The following PRMT3 variants were observed in gnomAD, a reference collection of about 807,000 sequenced individuals.
PRMT3 encodes the protein protein arginine N-methyltransferase 3.
PRMT3 carries 62 observed loss-of-function variants against 71.9 expected under a neutral mutation model. That is an observed-to-expected ratio of 0.86 (90% CI 0.70 to 1.07). The LOEUF is 1.07. Among genes scored for constraint, PRMT3 ranks in the 50% least tolerant of loss-of-function variants. PRMT3 has a pLI of 0.00. For synonymous variants in PRMT3, 213 were observed against 220.4 expected, an observed-to-expected ratio of 0.97 and a Z score of 0.30; for missense variants, 663 against 643.0, an observed-to-expected ratio of 1.03 and a Z score of -0.34.
chr11:20,473,376 T>G (rs1850699663), intron 13 of PRMT3, among the ~76,000 whole-genome samples: 1 of 152,134 alleles, frequency 6.6e-6, no homozygotes, highest in Non-Finnish European at 1.5e-5. Flanking sequence ...TAGTGCTATA[T>G]ATTTCCCTCT....
intron 13 of PRMT3, among the ~76,000 whole-genome samples, chr11:20,489,255 T>G (rs1187820199): frequency 6.6e-6 from 1 of 152,228 alleles, no homozygotes; most frequent in Non-Finnish European, 1.5e-5. Flanking sequence ...GAAATTTTAT[T>G]TAACTGTGAC....
At chr11:20,398,794 T>G (rs1848887968) in intron 7 of PRMT3, among the ~76,000 whole-genome samples, 1 of 152,224 alleles carries the variant, frequency 6.6e-6, no homozygotes, top group Admixed American at 6.5e-5. Flanking sequence ...TAGGCTATCT[T>G]ACAGAGCCTA....
chr11:20,403,357 A>C (rs1273699269), intron 8 of PRMT3, among the ~76,000 whole-genome samples: 1 of 152,168 alleles, frequency 6.6e-6, no homozygotes, highest in Non-Finnish European at 1.5e-5. Flanking sequence ...TTATTACTCT[A>C]GTTTGTGTTA....
chr11:20,391,055 A>T (rs1848702765), intron 3 of PRMT3, among the ~76,000 whole-genome samples: 1 of 152,096 alleles, frequency 6.6e-6, no homozygotes, highest in Non-Finnish European at 1.5e-5. Context: ...GTCTCAAAAA[A>T]AAAAAAATAA....
chr11:20,389,668 A>G lies in PRMT3; in HGVS notation c.165-76A>G. ...CCAGCAGAGTTAAAAAAAAAAAAAA[A>G]GTGTATATGTAACATGAAATCAGTA... On this transcript the variant is annotated intron_variant, in intron 2 of 15. Coordinates refer to ENST00000331079, the MANE Select transcript of PRMT3 (RefSeq NM_005788.4). The G allele has an allele frequency of 1.1e-5, 9 of 846,290 alleles. 1 individual carries two copies. Among genetic ancestry groups the G allele is most frequent in the Non-Finnish European group, 1.6e-5 (9 of 558,600 alleles). The allele number at this position is 846,290 out of a possible 1,614,324, so 52.4% of individuals were successfully genotyped here. A position where few individuals can be genotyped will look rare whatever the true frequency, so the allele number is the denominator to read the frequency against.
intron 7 of PRMT3, among the ~76,000 whole-genome samples, chr11:20,398,554 G>A (rs529414442): frequency 6.6e-5 from 10 of 152,286 alleles, no homozygotes; most frequent in East Asian, 3.9e-4. Flanking sequence ...TCAGGTTCAC[G>A]CCATTCTCTT....
chr11:20,395,718 C>T (rs1436730803), intron 5 of PRMT3, 85 bp from the exon 6 acceptor site: 1 of 1,315,556 alleles, frequency 7.6e-7, no homozygotes, highest in Non-Finnish European at 1.0e-6. Flanking sequence ...ATAGTAGAAA[C>T]TTAGGGCGTA....
chr11:20,421,260 A>C (rs1849419083), intron 9 of PRMT3, among the ~76,000 whole-genome samples: 1 of 150,984 alleles, frequency 6.6e-6, no homozygotes. Flanking sequence ...CTGGTCTTGA[A>C]CTCTTGGGCT....
intron 13 of PRMT3, among the ~76,000 whole-genome samples, chr11:20,468,368 G>T (rs967875877): frequency 2.0e-5 from 3 of 149,118 alleles, no homozygotes; most frequent in Non-Finnish European, 4.5e-5. Context: ...TGTTTTGTTT[G>T]TTTGTTTGTT....
rs551691220 is a variant in PRMT3 at position 20,508,455 on chromosome 11, G to A, written c.*42G>A. 6 of 1,378,264 alleles carry A rather than the reference G, an allele frequency of 4.4e-6. No homozygotes were observed. In the Admixed American group the frequency reaches 5.0e-5, roughly 12 times the overall value. The allele number at this position is 1,378,264 out of a possible 1,614,324, so 85.4% of individuals were successfully genotyped here. A position where few individuals can be genotyped will look rare whatever the true frequency, so the allele number is the denominator to read the frequency against. Reference sequence around the variant, plus strand: ...CACTACCTTGTAGTTTTTAATGTGGGGGTAGAGTGGGTCAGCAGGAGGGAG... The same window carrying A: ...CACTACCTTGTAGTTTTTAATGTGGAGGTAGAGTGGGTCAGCAGGAGGGAG... On this transcript the variant is annotated 3_prime_UTR_variant, in exon 16 of 16. Transcript: ENST00000331079.
chr11:20,441,327 A>T (rs1040508351), intron 10 of PRMT3, among the ~76,000 whole-genome samples: 5 of 149,774 alleles, frequency 3.3e-5, no homozygotes, highest in Non-Finnish European at 5.9e-5. Flanking sequence ...ATATTTTGAG[A>T]TGGAGTCTCG....
chr11:20,406,260 T>C (rs1849067563), intron 8 of PRMT3: 1 of 152,246 alleles, frequency 6.6e-6, no homozygotes, highest in Non-Finnish European at 1.5e-5. Context: ...ATAGTTGTTA[T>C]GCTGTATTGT....
chr11:20,479,153 T>A (rs1419322498), intron 13 of PRMT3, among the ~76,000 whole-genome samples: 1 of 152,210 alleles, frequency 6.6e-6, no homozygotes, highest in African/African-American at 2.4e-5. Flanking sequence ...CTCCTCCTTG[T>A]GAATGACCAT....
chr11:20,439,274 G>A (rs1320274693), intron 10 of PRMT3, among the ~76,000 whole-genome samples: 1 of 151,958 alleles, frequency 6.6e-6, no homozygotes, highest in African/African-American at 2.4e-5. Flanking sequence ...GTTGATGGAG[G>A]TTGCTGGGAT....
chr11:20,495,124 G>A (rs1023109694), intron 15 of PRMT3, among the ~76,000 whole-genome samples: 1 of 152,020 alleles, frequency 6.6e-6, no homozygotes, highest in African/African-American at 2.4e-5. Context: ...CACCTCCTGG[G>A]TTCAAGCAAT....
At chr11:20,407,302 A>AT (rs1168070156) in intron 8 of PRMT3, 3 of 151,746 alleles carry the variant, frequency 2.0e-5, no homozygotes, top group Non-Finnish European at 2.9e-5. Flanking sequence ...ATATTTTTCT[A>AT]TTTTTTCATT....
intron 9 of PRMT3, among the ~76,000 whole-genome samples, chr11:20,415,279 G>A (rs1565202335): frequency 6.6e-6 from 1 of 152,050 alleles, no homozygotes; most frequent in Non-Finnish European, 1.5e-5. Flanking sequence ...ACCTTACAGG[G>A]AAATTAAATT....
intron 15 of PRMT3, among the ~76,000 whole-genome samples, chr11:20,498,016 GAAGAGAATAT>G (rs1347989919): frequency 6.6e-6 from 1 of 152,166 alleles, no homozygotes; most frequent in Non-Finnish European, 1.5e-5. Flanking sequence ...TGAACATAGC[GAAGAGAATAT>G]AAGAAGACAT....
intron 7 of PRMT3, among the ~76,000 whole-genome samples, chr11:20,400,365 T>A (rs1487027065): frequency 1.3e-5 from 2 of 152,186 alleles, no homozygotes; most frequent in African/African-American, 4.8e-5. Flanking sequence ...AAGATGAAGA[T>A]ACCTTTTTTG....
Sources: allele counts gnomAD v4.1 joint callset (sites outside exome capture counted in the v4.1 genomes callset), GRCh38; gene constraint gnomAD v4.1.1; transcripts MANE v1.5; gene names NCBI Gene and HGNC (gene_info 2026-07-23, HGNC 2026-07-21).